PDE10A: variants seen among roughly 807,000 people sequenced by gnomAD.
PDE10A encodes cAMP and cAMP-inhibited cGMP 3',5'-cyclic phosphodiesterase 10A.
PDE10A carries 39 observed loss-of-function variants against 97.7 expected under a neutral mutation model. The ratio of observed to expected loss-of-function variants is 0.40; its 90% CI spans 0.31 to 0.52. The LOEUF is 0.52. PDE10A is among the 20% of genes least tolerant of loss of function. PDE10A has a pLI of 0.56. For synonymous variants in PDE10A, 371 were observed against 376.8 expected (o/e 0.98, Z 0.18); for missense variants, 731 against 1,047.8 (o/e 0.70, Z 4.17).
At chr6:165,389,613 AG>A (rs1785543012) in intron 16 of PDE10A, among the ~76,000 whole-genome samples, 3 of 152,312 alleles carry the variant, frequency 2.0e-5, no homozygotes, top group African/African-American at 7.2e-5. Flanking sequence ...GAGGCGAAGG[AG>A]TCTACTTGAT....
chr6:165,860,234 A>G (rs913910769), intron 1 of PDE10A, among the ~76,000 whole-genome samples: 2 of 152,214 alleles, frequency 1.3e-5, no homozygotes, highest in Admixed American at 1.3e-4. Context: ...TGAGTGGATC[A>G]CATGAGGTTG....
chr6:165,564,098 G>C (rs919653472), intron 1 of PDE10A, among the ~76,000 whole-genome samples: 1 of 152,126 alleles, frequency 6.6e-6, no homozygotes, highest in African/African-American at 2.4e-5. Flanking sequence ...CCCTTGGCTG[G>C]AATTTCTCTT....
At chr6:165,435,512 T>G in intron 5 of PDE10A, 135 bp from the exon 6 acceptor site, 1 of 681,924 alleles carries the variant, frequency 1.5e-6, no homozygotes, top group South Asian at 3.6e-5. Context: ...GAAAGGTGCT[T>G]TGCCATGATC....
chr6:165,445,679 T>C (rs117629387), intron 5 of PDE10A, among the ~76,000 whole-genome samples: 1,683 of 152,332 alleles, frequency 0.011, 11 homozygotes, highest in Middle Eastern at 0.017. Context: ...TTGTGCATCA[T>C]GTGGATTGGA....
intron 1 of PDE10A, among the ~76,000 whole-genome samples, chr6:165,953,590 CAAA>C (rs35801238): frequency 0.062 from 9,234 of 147,782 alleles, 988 homozygotes; most frequent in African/African-American, 0.21. Context: ...GACTTCGTCT[CAAA>C]AAAAAAAAAA....
At chr6:165,412,093 AT>A (rs1157487171) in intron 13 of PDE10A, among the ~76,000 whole-genome samples, 2 of 151,920 alleles carry the variant, frequency 1.3e-5, no homozygotes, top group African/African-American at 4.8e-5. Context: ...CACATATGTG[AT>A]AATACATAAT....
chr6:165,712,093 A>T (rs879471011), intron 1 of PDE10A, among the ~76,000 whole-genome samples: 1 of 152,088 alleles, frequency 6.6e-6, no homozygotes, highest in Admixed American at 6.5e-5. Flanking sequence ...GTGGACATCA[A>T]GGAAGGGGCA....
At chr6:165,470,813 CCT>C (rs1778952100) in intron 3 of PDE10A, among the ~76,000 whole-genome samples, 1 of 152,260 alleles carries the variant, frequency 6.6e-6, no homozygotes, top group South Asian at 2.1e-4. Context: ...ACCATCCTCC[CCT>C]CTCTGTCCCA....
intron 1 of PDE10A, among the ~76,000 whole-genome samples, chr6:165,958,501 G>A (rs1448412139): frequency 3.6e-4 from 2 of 5,534 alleles, no homozygotes; most frequent in African/African-American, 1.8e-3. Flanking sequence ...AGAAAGACAA[G>A]AAAGAAAGAA....
chr6:165,901,174 C>T (rs1782095006), intron 1 of PDE10A, among the ~76,000 whole-genome samples: 1 of 152,170 alleles, frequency 6.6e-6, no homozygotes, highest in Non-Finnish European at 1.5e-5. Flanking sequence ...CAGGACCTGG[C>T]CCTGTTTCTG....
chr6:165,539,396 C>T (rs1783287513), intron 2 of PDE10A, among the ~76,000 whole-genome samples: 1 of 152,316 alleles, frequency 6.6e-6, no homozygotes, highest in African/African-American at 2.4e-5. Flanking sequence ...AAAACAAAAT[C>T]TCGTCGTAAT....
rs1562637773 is a variant in PDE10A, at chr6:165,622,252, CTCTGTA to C, written c.865+39689_865+39694del. Among the ~76,000 whole-genome samples the C allele has an allele frequency of 4.6e-5, 7 of 150,814 alleles. No individual in the cohort carries two copies. The South Asian group carries it at 1.5e-3, about 32-fold the overall frequency. ...AGTCAATCGGGCAACCTCTCTCTGT[CTCTGTA>C]TATGTGTGTTTGTGAGTGTGTGTGT... is the stretch of plus-strand genomic sequence containing the variant. On this transcript the variant is annotated intron_variant, in intron 1 of 21. Transcript: ENST00000539869.
At chr6:165,559,396 C>T (rs968384517) in intron 1 of PDE10A, among the ~76,000 whole-genome samples, 8 of 152,132 alleles carry the variant, frequency 5.3e-5, no homozygotes, top group Non-Finnish European at 7.3e-5. Flanking sequence ...GAATCATATC[C>T]TATGTGGCAA....
At chr6:165,642,210 A>G (rs1789169359) in intron 1 of PDE10A, among the ~76,000 whole-genome samples, 2 of 152,222 alleles carry the variant, frequency 1.3e-5, no homozygotes, top group South Asian at 4.1e-4. Context: ...ATAGGGGCTA[A>G]CACAGTCTTT....
chr6:165,720,330 C>A (rs1186727271), intron 1 of PDE10A, among the ~76,000 whole-genome samples: 1 of 152,056 alleles, frequency 6.6e-6, no homozygotes, highest in Non-Finnish European at 1.5e-5. Flanking sequence ...CTATCAGAGT[C>A]ACTGATAGTT....
At chr6:165,814,732 C>G (rs1207479651) in intron 1 of PDE10A, among the ~76,000 whole-genome samples, 1 of 152,156 alleles carries the variant, frequency 6.6e-6, no homozygotes, top group Non-Finnish European at 1.5e-5. Flanking sequence ...CCAACCCTAT[C>G]TGGAAAATTA....
intron 2 of PDE10A, among the ~76,000 whole-genome samples, chr6:165,508,081 T>C (rs1429246170): frequency 6.6e-6 from 1 of 152,110 alleles, no homozygotes; most frequent in African/African-American, 2.4e-5. Flanking sequence ...AACGATTTTA[T>C]GAATGTATAC....
At chr6:165,702,228 C>T (rs1791598325) in intron 1 of PDE10A, among the ~76,000 whole-genome samples, 1 of 152,200 alleles carries the variant, frequency 6.6e-6, no homozygotes, top group African/African-American at 2.4e-5. Context: ...AAAAGAAAAC[C>T]ACAGAAAGCA....
intron 1 of PDE10A, among the ~76,000 whole-genome samples, chr6:165,560,153 C>A (rs550244944): frequency 2.6e-5 from 4 of 152,300 alleles, no homozygotes; most frequent in Admixed American, 2.6e-4. Flanking sequence ...CCTGGCCTAA[C>A]CAAATGAGTC....
Sources: gnomAD v4.1 joint callset for allele counts (sites outside exome capture counted in the v4.1 genomes callset) on GRCh38, gnomAD v4.1.1 for gene constraint, MANE v1.5 for transcripts, NCBI Gene and HGNC (gene_info 2026-07-23, HGNC 2026-07-21) for gene names.